The following KIF13B variants were observed in gnomAD, a reference collection of about 807,000 sequenced individuals.
KIF13B encodes kinesin family member 13B, also known as kinesin-like protein KIF13B.
KIF13B carries 127 observed loss-of-function variants against 222.0 expected under a neutral mutation model. The ratio of observed to expected loss-of-function variants is 0.57; its 90% CI spans 0.50 to 0.66. The LOEUF (loss-of-function observed/expected upper bound fraction) is 0.66, where lower values mean the gene tolerates loss of function less well. KIF13B is among the 30% of genes least tolerant of loss of function. The pLI is 0.00. For synonymous variants in KIF13B, 976 were observed against 919.0 expected (o/e 1.06, Z -1.12); for missense variants, 2,173 against 2,379.0 (o/e 0.91, Z 1.80).
chr8:29,123,799 G>A (rs1809985013), intron 27 of KIF13B, among the ~76,000 whole-genome samples: 1 of 152,152 alleles, frequency 6.6e-6, no homozygotes, highest in Non-Finnish European at 1.5e-5. Context: ...TATGCTTTGT[G>A]CACTGTATTT....
At chr8:29,085,715 T>C (rs1451581883) in intron 37 of KIF13B, among the ~76,000 whole-genome samples, 1 of 137,454 alleles carries the variant, frequency 7.3e-6, no homozygotes, top group East Asian at 2.0e-4. Context: ...CTTTTTTTTT[T>C]TTTTTTTTTT....
intron 38 of KIF13B, among the ~76,000 whole-genome samples, chr8:29,072,636 C>T (rs561841579): frequency 2.0e-5 from 3 of 152,312 alleles, no homozygotes; most frequent in African/African-American, 4.8e-5. Flanking sequence ...GTTGAGGGGC[C>T]GACAGTGCAC....
At chr8:29,085,705 C>CCTT (rs1243079346) in intron 37 of KIF13B, among the ~76,000 whole-genome samples, 47 of 48,770 alleles carry the variant, frequency 9.6e-4, no homozygotes, top group African/African-American at 3.5e-3. Flanking sequence ...AAATACTCTT[C>CCTT]TTTTTTTTTT....
rs184174994 is a variant in KIF13B at position 29,176,674 on chromosome 8, T to C, written c.834-495A>G. 3.8e-4 allele frequency among the ~76,000 whole-genome samples: 58 copies of C among 152,262 alleles called. No individual in the cohort carries two copies. In the East Asian group the frequency reaches 0.01, roughly 26 times the overall value. The stretch of plus-strand genomic sequence containing the variant: ...CTTGAGGGAGAAAATGTGAAGTCCA[T>C]ATGAAGGAACTGATAAACAAAATAT... On this transcript the variant is annotated intron_variant, in intron 9 of 39. Transcript: ENST00000524189.
chr8:29,228,245 C>A (rs1815113598), intron 2 of KIF13B, among the ~76,000 whole-genome samples: 1 of 151,192 alleles, frequency 6.6e-6, no homozygotes, highest in Non-Finnish European at 1.5e-5. Context: ...GCAGGTGGAT[C>A]ACAAGGTCAG....
intron 37 of KIF13B, among the ~76,000 whole-genome samples, chr8:29,087,348 C>T (rs374940125): frequency 6.6e-6 from 1 of 152,168 alleles, no homozygotes; most frequent in African/African-American, 2.4e-5. Context: ...AGAGAGATTA[C>T]AGCTTTAGAA....
intron 2 of KIF13B, among the ~76,000 whole-genome samples, chr8:29,221,097 C>CTTTTTTTTT (rs60915605): frequency 4.4e-5 from 5 of 112,754 alleles, no homozygotes; most frequent in African/African-American, 1.2e-4. Context: ...GAGCTGTGTT[C>CTTTTTTTTT]TTTTTTTTTT....
At position 29,108,242 on chromosome 8, in the gene KIF13B, C is replaced by A. The variant is rs764550841; in HGVS notation, c.4162-50G>T. On this transcript the variant is annotated intron_variant, in intron 34 of 39. Transcript: ENST00000524189. ...AGTTATTTATGCATCAGAGCATACA[C>A]GTGGTCTAGGCAACGCCAGTCTTTG... 22 of 1,562,266 alleles carry A rather than the reference C, an allele frequency of 1.4e-5. No individual in the cohort carries two copies. The South Asian group carries it at 2.2e-4, about 16-fold the overall frequency.
At chr8:29,099,668 G>A (rs143384656) in intron 35 of KIF13B, among the ~76,000 whole-genome samples, 97 of 152,148 alleles carry the variant, frequency 6.4e-4, no homozygotes, top group African/African-American at 2.2e-3. Context: ...CACCATGCCC[G>A]ATCAGCACTT....
At chr8:29,222,937 T>C (rs530791895) in intron 2 of KIF13B, among the ~76,000 whole-genome samples, 3 of 152,268 alleles carry the variant, frequency 2.0e-5, no homozygotes, top group Admixed American at 2.0e-4. Flanking sequence ...ATTCAATTTA[T>C]GGGACAATTT....
At chr8:29,252,717 T>C (rs1406894333) in intron 1 of KIF13B, among the ~76,000 whole-genome samples, 3 of 152,220 alleles carry the variant, frequency 2.0e-5, no homozygotes, top group East Asian at 1.9e-4. Context: ...ATCAATGATA[T>C]TTATGTAGGA....
In KIF13B at chr8:29,245,216, TC is replaced by T. The variant is rs1431824690; in HGVS notation, c.149+129del. On this transcript the variant is annotated intron_variant, in intron 2 of 39. Coordinates refer to ENST00000524189, the MANE Select transcript of KIF13B (RefSeq NM_015254.4). Reference sequence around the variant, plus strand: ...TCATCTCTTCAACTTGAGTACAGGCTCACAGAAGACAGCAATATGTCTCTAC... The same window carrying T: ...TCATCTCTTCAACTTGAGTACAGGCTACAGAAGACAGCAATATGTCTCTAC... 35 of 686,480 alleles carry T rather than the reference TC, an allele frequency of 5.1e-5. No homozygotes were observed. In the East Asian group the frequency reaches 9.6e-4, roughly 19 times the overall value. 42.5% of individuals were successfully genotyped at this position (686,480 alleles called of 1,614,324 possible).
chr8:29,237,355 T>C (rs1815558328), intron 2 of KIF13B, among the ~76,000 whole-genome samples: 1 of 152,166 alleles, frequency 6.6e-6, no homozygotes, highest in Admixed American at 6.5e-5. Context: ...TTATTTAATA[T>C]ATTATATGCA....
Position 29,177,348 on chromosome 8 carries a change from C to A in KIF13B, c.833+118G>T, listed in dbSNP as rs950426841. ...CAACAAAACCTAAAATGGGCCCAGG[C>A]CCATTGAAAATACCAGAAAAAAATT... On this transcript the variant is annotated intron_variant, in intron 9 of 39. Transcript: ENST00000524189. The A allele has an allele frequency of 1.1e-5, 8 of 711,830 alleles. No homozygotes were observed. The East Asian group carries it at 2.2e-4, about 20-fold the overall frequency. 44.1% of individuals were successfully genotyped at this position (711,830 alleles called of 1,614,324 possible). A position where few individuals can be genotyped will look rare whatever the true frequency, so the allele number is the denominator to read the frequency against.
At chr8:29,087,578 C>G (rs1808098767) in intron 37 of KIF13B, among the ~76,000 whole-genome samples, 1 of 152,208 alleles carries the variant, frequency 6.6e-6, no homozygotes, top group Non-Finnish European at 1.5e-5. Context: ...ACCTGACCAA[C>G]AGCACAATGA....
In KIF13B at chr8:29,245,485, T is replaced by G. The variant is rs145291455; in HGVS notation, c.56-46A>C. On this transcript the variant is annotated intron_variant, in intron 1 of 39. Transcript: ENST00000524189. ...AAAACAGTCATTTTAAAAAGTAATT[T>G]ATTTCAGAAAAGGCAAAATTCAGAA... The G allele has an allele frequency of 5.4e-4, 764 of 1,419,106 alleles. 3 individuals carry two copies. The African/African-American group carries it at 9.8e-3, about 18-fold the overall frequency. 87.9% of individuals were successfully genotyped at this position (1,419,106 alleles called of 1,614,324 possible).
At chr8:29,175,198 T>C (rs1166395373) in intron 10 of KIF13B, among the ~76,000 whole-genome samples, 19 of 152,188 alleles carry the variant, frequency 1.2e-4, no homozygotes, top group Non-Finnish European at 2.8e-4. Context: ...TCACTGCAAC[T>C]TATACCCTCT....
chr8:29,223,171 A>C (rs111765857), intron 2 of KIF13B, among the ~76,000 whole-genome samples: 10,064 of 149,214 alleles, frequency 0.067, 504 homozygotes, highest in African/African-American at 0.12. Context: ...ATACAAAAAA[A>C]AAAAAAACAA....
intron 2 of KIF13B, chr8:29,219,127 A>G (rs900388290): frequency 1.3e-5 from 2 of 152,248 alleles, no homozygotes; most frequent in Non-Finnish European, 2.9e-5. Flanking sequence ...AAGTTCCAGG[A>G]TCCCAACGCA....
Sources: gnomAD v4.1 joint callset for allele counts (sites outside exome capture counted in the v4.1 genomes callset) on GRCh38, gnomAD v4.1.1 for gene constraint, MANE v1.5 for transcripts, NCBI Gene and HGNC (gene_info 2026-07-23, HGNC 2026-07-21) for gene names.